SRD5A2: variants seen among roughly 807,000 people sequenced by gnomAD.
SRD5A2 encodes steroid 5 alpha-reductase 2.
In SRD5A2, 30 loss-of-function variants were observed where a neutral mutation model predicts 27.4. That is an observed-to-expected ratio of 1.10 (90% CI 0.82 to 1.49). The LOEUF is 1.49. Ranked by LOEUF, SRD5A2 falls within the 40% of genes most tolerant of loss-of-function variation. The pLI is 0.00. For missense variants in SRD5A2, 348 were observed against 323.4 expected (o/e 1.08, Z -0.58); for synonymous variants, 141 against 133.6 (o/e 1.06, Z -0.38).
At chr2:31,627,746 A>C in the SRD5A2 span, among the ~76,000 whole-genome samples, 1 of 152,056 alleles carries the variant, frequency 6.6e-6, no homozygotes, top group African/African-American at 2.4e-5. Flanking sequence ...ATTCAGAAGC[A>C]TGTTGTTTGA....
In SRD5A2 at chr2:31,533,623, G is replaced by A. The variant is rs553707902; in HGVS notation, c.425C>T (p.Thr142Ile). The change falls in exon 2 of 5, where the codon ACA (threonine) becomes ATA (isoleucine). Residue 142 changes from threonine to isoleucine, a missense_variant. Transcript: ENST00000622030. ...YCAEYPDGWY[T>I]DIRFSLGVFL... is the part of the protein sequence containing the mutation. ...CTTACCCAAGCTAAACCGTATGTCT[G>A]TGTACCACCCATCAGGGTATTCAGC... 5 of 1,552,492 alleles carry A rather than the reference G, an allele frequency of 3.2e-6. No homozygotes were observed. In the East Asian group the frequency reaches 9.8e-5, roughly 30 times the overall value.
At chr2:31,546,740 G>A (rs770401246) in intron 1 of SRD5A2, among the ~76,000 whole-genome samples, 1 of 152,114 alleles carries the variant, frequency 6.6e-6, no homozygotes, top group Admixed American at 6.5e-5. Context: ...CCTCAGCAAC[G>A]TGCAACTTAC....
At chr2:31,570,462 G>C (rs1666828221) in intron 1 of SRD5A2, among the ~76,000 whole-genome samples, 1 of 152,062 alleles carries the variant, frequency 6.6e-6, no homozygotes, top group South Asian at 2.1e-4. Flanking sequence ...TTGAAAACTA[G>C]AACAAGATAA....
chr2:31,591,928 A>C, the SRD5A2 span, among the ~76,000 whole-genome samples: 3 of 119,538 alleles, frequency 2.5e-5, no homozygotes, highest in Non-Finnish European at 3.3e-5. Context: ...CACCCACGGC[A>C]GCCTGTTGTG....
In SRD5A2 at chr2:31,526,225, G is replaced by T; in HGVS notation, c.736C>A (p.Arg246=). 1 of 1,589,854 alleles carries T rather than the reference G, an allele frequency of 6.3e-7. No homozygotes were observed. The highest frequency in any genetic ancestry group is 2.3e-5 in the East Asian group (1 of 44,240). Residue 246 remains arginine (R), a synonymous_variant, in exon 5 of 5, where the codon CGG becomes AGG. Coordinates refer to ENST00000622030, the MANE Select transcript of SRD5A2 (RefSeq NM_000348.4). ...LKMFEDYPKS[R]KALIPFIF is the part of the protein sequence containing the mutation. The stretch of plus-strand genomic sequence containing the variant: ...AAGATGAATGGAATAAGGGCTTTCC[G>T]AGATTTGGGGTAGTCCTCAAACATC...
chr2:31,536,182 G>A (rs546469577), intron 1 of SRD5A2, among the ~76,000 whole-genome samples: 24 of 152,304 alleles, frequency 1.6e-4, no homozygotes, highest in Admixed American at 5.2e-4. Context: ...ATCCTGAAAG[G>A]CTACAGAAAG....
the SRD5A2 span, among the ~76,000 whole-genome samples, chr2:31,601,521 G>T: frequency 6.6e-6 from 1 of 151,894 alleles, no homozygotes; most frequent in Non-Finnish European, 1.5e-5. Context: ...TACTGAAATT[G>T]TTCCAAAAAA....
rs72794638 is a variant in SRD5A2, at chr2:31,561,978, T to C, written c.281+18642A>G. Among the ~76,000 whole-genome samples the C allele has an allele frequency of 9.9e-3, 1,507 of 152,294 alleles. 18 individuals carry two copies. The highest frequency in any genetic ancestry group is 0.018 in the Non-Finnish European group (1,207 of 68,002). On this transcript the variant is annotated intron_variant, in intron 1 of 4. Transcript: ENST00000622030. ...CTCAGCCACTCATGCTAACTGATTA[T>C]TACAAAATCAAGAAAATACAAATAT...
intron 1 of SRD5A2, among the ~76,000 whole-genome samples, chr2:31,578,840 CA>C (rs1667013440): frequency 6.6e-6 from 1 of 151,896 alleles, no homozygotes; most frequent in African/African-American, 2.4e-5. Flanking sequence ...CTTTTGATTT[CA>C]AAAACAAGCC....
intron 1 of SRD5A2, among the ~76,000 whole-genome samples, chr2:31,567,517 C>T (rs1286192458): frequency 6.6e-6 from 1 of 150,438 alleles, no homozygotes; most frequent in Non-Finnish European, 1.5e-5. Context: ...CACATGAAGC[C>T]ATGTGACATA....
At chr2:31,601,259 T>TA in the SRD5A2 span, among the ~76,000 whole-genome samples, 8 of 151,452 alleles carry the variant, frequency 5.3e-5, no homozygotes, top group Non-Finnish European at 8.8e-5. Context: ...CCCACAGAAA[T>TA]AAAAACAACC....
chr2:31,600,018 G>C, the SRD5A2 span, among the ~76,000 whole-genome samples: 1 of 151,744 alleles, frequency 6.6e-6, no homozygotes, highest in Non-Finnish European at 1.5e-5. Context: ...AGTGTCTGTT[G>C]TTCCCCTCTA....
At chr2:31,565,182 A>G (rs1458055290) in intron 1 of SRD5A2, among the ~76,000 whole-genome samples, 1 of 151,984 alleles carries the variant, frequency 6.6e-6, no homozygotes, top group East Asian at 1.9e-4. Context: ...TAAACCTTTA[A>G]GCAAATTAAC....
the SRD5A2 span, among the ~76,000 whole-genome samples, chr2:31,649,362 G>A: frequency 3.3e-5 from 5 of 152,080 alleles, no homozygotes; most frequent in African/African-American, 9.7e-5. Context: ...ACATTAGACA[G>A]GACTTGCAAG....
chr2:31,582,406 G>A (rs1456926437), upstream of SRD5A2, among the ~76,000 whole-genome samples: 1 of 152,102 alleles, frequency 6.6e-6, no homozygotes, highest in African/African-American at 2.4e-5. Flanking sequence ...ACCAAGAGTC[G>A]TTTATCATAT....
At chr2:31,531,237 G>T in intron 3 of SRD5A2, 134 bp downstream of exon 3, 2 of 622,762 alleles carry the variant, frequency 3.2e-6, no homozygotes, top group Non-Finnish European at 5.6e-6. Context: ...GGGTTTGCAG[G>T]GGAAGTCAAG....
the SRD5A2 span, among the ~76,000 whole-genome samples, chr2:31,647,613 A>G: frequency 6.6e-6 from 1 of 152,188 alleles, no homozygotes; most frequent in Non-Finnish European, 1.5e-5. Flanking sequence ...ATGCAGTGAA[A>G]AATAACCCCC....
At chr2:31,598,481 T>C in the SRD5A2 span, among the ~76,000 whole-genome samples, 2 of 151,522 alleles carry the variant, frequency 1.3e-5, no homozygotes, top group Non-Finnish European at 2.9e-5. Context: ...TTTCAAGACA[T>C]AGTACAATAA....
At chr2:31,623,027 G>T in the SRD5A2 span, among the ~76,000 whole-genome samples, 1 of 152,048 alleles carries the variant, frequency 6.6e-6, no homozygotes, top group Non-Finnish European at 1.5e-5. Context: ...GTTGTAAGAG[G>T]ATCACCTTCA....
Sources: allele counts gnomAD v4.1 joint callset (sites outside exome capture counted in the v4.1 genomes callset), GRCh38; gene constraint gnomAD v4.1.1; transcripts MANE v1.5; gene names NCBI Gene and HGNC (gene_info 2026-07-23, HGNC 2026-07-21).